Variants in COL25A1 observed in about 807,000 individuals in gnomAD.
COL25A1 encodes collagen type XXV alpha 1 chain.
A neutral mutation model predicts 128.4 loss-of-function variants in COL25A1; 103 were observed. That is an observed-to-expected ratio of 0.80 (90% confidence interval 0.68 to 0.94). The LOEUF is 0.94. Among genes scored for constraint, COL25A1 ranks in the 40% least tolerant of loss-of-function variants. COL25A1 has a pLI of 0.00. For missense variants in COL25A1, 745 were observed against 840.0 expected, an observed-to-expected ratio of 0.89 and a Z score of 1.40; for synonymous variants, 279 against 277.2, an observed-to-expected ratio of 1.01 and a Z score of -0.06.
At position 108,836,850 on chromosome 4, in the gene COL25A1, G is replaced by A. The variant is rs181779670; in HGVS notation, c.1657-4417C>T. On this transcript the variant is annotated intron_variant, in intron 31 of 37. Transcript: ENST00000399132. ...TCCTAGCACTTTGTGAAGCCGAGGC[G>A]GGTGGATCACCTGAGGTCAGGAGTT... Among the ~76,000 whole-genome samples, 655 of 152,222 alleles carry A rather than the reference G, an allele frequency of 4.3e-3. 3 individuals are homozygous for A. The highest frequency in any genetic ancestry group is 0.014 in the African/African-American group (602 of 41,542).
chr4:109,218,356 G>GGTTTTTTTTTTTTTTGTTTTTT (rs1578470802), intron 3 of COL25A1, among the ~76,000 whole-genome samples: 2 of 100,470 alleles, frequency 2.0e-5, no homozygotes, highest in South Asian at 7.3e-4. Flanking sequence ...GGTTTTTTGG[G>GGTTTTTTTTTTTTTTGTTTTTT]GTTTTTTTTT....
At chr4:108,920,531 GT>G (rs765511292) in intron 12 of COL25A1, 46 bp downstream of exon 12, 4 of 1,488,236 alleles carry the variant, frequency 2.7e-6, no homozygotes, top group Non-Finnish European at 2.8e-6. Flanking sequence ...TTGCCATTAG[GT>G]CATGAGAGCA....
intron 3 of COL25A1, among the ~76,000 whole-genome samples, chr4:109,251,548 C>T (rs1395364952): frequency 6.6e-6 from 1 of 152,196 alleles, no homozygotes; most frequent in African/African-American, 2.4e-5. Context: ...GGGTCAGTCA[C>T]CACTGCCAGC....
chr4:109,068,934 T>G (rs1762688907), intron 3 of COL25A1, among the ~76,000 whole-genome samples: 1 of 152,082 alleles, frequency 6.6e-6, no homozygotes, highest in Non-Finnish European at 1.5e-5. Context: ...ATACTGAGAT[T>G]AGTCCTATGA....
rs191438868 is a variant in COL25A1 at position 109,233,646 on chromosome 4, A to G, written c.367+66937T>C. Among the ~76,000 whole-genome samples the G allele has an allele frequency of 7.9e-5, 12 of 152,252 alleles. No homozygotes were observed. The East Asian group carries it at 2.1e-3, about 27-fold the overall frequency. Reference sequence around the variant, plus strand: ...CTGAGATTCAATTTATTCATCATGTAGGAGACAGGTAAGATTATAATAATA... The same window carrying G: ...CTGAGATTCAATTTATTCATCATGTGGGAGACAGGTAAGATTATAATAATA... On this transcript the variant is annotated intron_variant, in intron 3 of 37. Coordinates refer to ENST00000399132, the MANE Select transcript of COL25A1 (RefSeq NM_198721.4).
intron 3 of COL25A1, among the ~76,000 whole-genome samples, chr4:109,155,982 G>C (rs1771992960): frequency 6.6e-6 from 1 of 152,156 alleles, no homozygotes; most frequent in East Asian, 1.9e-4. Flanking sequence ...TACACAGTCA[G>C]AGTAGGGCCA....
chr4:108,816,872 G>A (rs538620084), intron 37 of COL25A1, among the ~76,000 whole-genome samples: 1 of 152,218 alleles, frequency 6.6e-6, no homozygotes, highest in East Asian at 1.9e-4. Context: ...AGTGACTATG[G>A]GCAGTCATAT....
At chr4:108,912,120 A>G (rs1744303178) in intron 13 of COL25A1, among the ~76,000 whole-genome samples, 2 of 152,202 alleles carry the variant, frequency 1.3e-5, no homozygotes, top group South Asian at 4.1e-4. Context: ...CTGCTTAACA[A>G]GTAAAATTGA....
Position 109,172,377 on chromosome 4 carries a change from G to A in COL25A1, c.368-122198C>T, listed in dbSNP as rs146474657. Reference sequence around the variant, plus strand: ...ATTTGTCAAGAAGAGAATCCCAAGGGGTGGGAGTGGGAGGCAGAAAAGGCA... The same window carrying A: ...ATTTGTCAAGAAGAGAATCCCAAGGAGTGGGAGTGGGAGGCAGAAAAGGCA... On this transcript the variant is annotated intron_variant, in intron 3 of 37. Transcript: ENST00000399132. Among the ~76,000 whole-genome samples the A allele has an allele frequency of 2.2e-4, 34 of 152,242 alleles. No individual in the cohort carries two copies. In the East Asian group the frequency reaches 4.6e-3, roughly 21 times the overall value.
chr4:109,137,417 A>C (rs1769896373), intron 3 of COL25A1, among the ~76,000 whole-genome samples: 1 of 152,182 alleles, frequency 6.6e-6, no homozygotes, highest in Non-Finnish European at 1.5e-5. Flanking sequence ...ATCAGTCAAC[A>C]ATCAATCTAA....
intron 3 of COL25A1, among the ~76,000 whole-genome samples, chr4:109,246,123 T>C (rs1186774719): frequency 6.9e-6 from 1 of 144,710 alleles, no homozygotes; most frequent in African/African-American, 2.6e-5. Flanking sequence ...AGCATGAAAA[T>C]AGATACTATC....
chr4:108,880,842 A>G (rs993796952), intron 19 of COL25A1, among the ~76,000 whole-genome samples: 3 of 152,218 alleles, frequency 2.0e-5, no homozygotes, highest in Non-Finnish European at 4.4e-5. Context: ...TTTCAAAATA[A>G]GTGTAGAGAG....
chr4:109,015,708 G>C (rs1321131216), intron 5 of COL25A1, among the ~76,000 whole-genome samples: 3 of 152,150 alleles, frequency 2.0e-5, no homozygotes, highest in Admixed American at 6.5e-5. Flanking sequence ...CAGCAAAATG[G>C]AAAACAATCA....
At chr4:109,052,557 T>G (rs1225891674) in intron 3 of COL25A1, among the ~76,000 whole-genome samples, 2 of 152,188 alleles carry the variant, frequency 1.3e-5, no homozygotes, top group Non-Finnish European at 2.9e-5. Flanking sequence ...GTTATAATTA[T>G]TATTGGAATC....
chr4:109,265,874 G>A (rs528827568), intron 3 of COL25A1, among the ~76,000 whole-genome samples: 213 of 152,296 alleles, frequency 1.4e-3, no homozygotes, highest in African/African-American at 5.0e-3. Flanking sequence ...TTTTTAAGCA[G>A]TAGAAACTAC....
chr4:109,286,492 T>C (rs1723905511), intron 3 of COL25A1, among the ~76,000 whole-genome samples: 1 of 152,200 alleles, frequency 6.6e-6, no homozygotes, highest in African/African-American at 2.4e-5. Flanking sequence ...CTTCATTTCC[T>C]GTTCTTCTAA....
intron 8 of COL25A1, among the ~76,000 whole-genome samples, chr4:108,963,991 A>G (rs1282760688): frequency 6.6e-6 from 1 of 151,190 alleles, no homozygotes; most frequent in East Asian, 1.9e-4. Flanking sequence ...GACAAATGAA[A>G]TCTCTTTACT....
At chr4:109,148,028 T>C (rs566553184) in intron 3 of COL25A1, among the ~76,000 whole-genome samples, 30 of 152,208 alleles carry the variant, frequency 2.0e-4, no homozygotes, top group African/African-American at 7.0e-4. Context: ...TAGGGTTCCC[T>C]CACTTTCTAC....
intron 6 of COL25A1, among the ~76,000 whole-genome samples, chr4:108,987,251 A>G (rs1035906673): frequency 1.3e-5 from 2 of 151,332 alleles, no homozygotes; most frequent in Non-Finnish European, 3.0e-5. Flanking sequence ...AATACCATCT[A>G]TTCTCAAAAT....
Sources: gnomAD v4.1 joint callset for allele counts (sites outside exome capture counted in the v4.1 genomes callset) on GRCh38, gnomAD v4.1.1 for gene constraint, MANE v1.5 for transcripts, NCBI Gene and HGNC (gene_info 2026-07-23, HGNC 2026-07-21) for gene names.